Variants in TECTA observed in about 807,000 individuals in gnomAD.
TECTA encodes alpha-tectorin.
Under a neutral mutation model 216.8 loss-of-function variants are expected in TECTA, and 128 were observed. The observed-to-expected ratio is 0.59, with a 90% CI of 0.51 to 0.68. The LOEUF (loss-of-function observed/expected upper bound fraction) is 0.68. TECTA is among the 30% of genes least tolerant of loss of function. The pLI, the probability that TECTA is intolerant of heterozygous loss-of-function variation, is 0.00. For missense variants in TECTA, 2,551 were observed against 2,786.2 expected (o/e 0.92, Z 1.90); for synonymous variants, 1,089 against 1,117.1 (o/e 0.97, Z 0.50).
intron 4 of TECTA, among the ~76,000 whole-genome samples, chr11:121,110,958 C>T (rs1946436530): frequency 6.6e-6 from 1 of 152,104 alleles, no homozygotes. Flanking sequence ...TCCATCCATC[C>T]CCATCTTTGA....
chr11:121,106,700 A>G (rs755134682), intron 3 of TECTA, among the ~76,000 whole-genome samples: 6 of 152,124 alleles, frequency 3.9e-5, no homozygotes, highest in Non-Finnish European at 8.8e-5. Context: ...GAAGAATGCA[A>G]CCCTAAGCAT....
chr11:121,179,975 T>TTG (rs1491516694), intron 20 of TECTA, among the ~76,000 whole-genome samples: 1 of 95,444 alleles, frequency 1.0e-5, no homozygotes, highest in African/African-American at 4.0e-5. Context: ...TGTTTGTTTG[T>TTG]TTTTTTTTTT....
Position 121,125,365 on chromosome 11 carries a change from A to C in TECTA, c.1267A>C (p.Ser423Arg). Residue 423 changes from serine to arginine, a missense_variant, in exon 8 of 24, where the codon AGT becomes CGT. Physicochemically the swap from Ser to Arg is moderately radical, Grantham distance 110 (BLOSUM62 -1). Coordinates refer to ENST00000392793, the MANE Select transcript of TECTA (RefSeq NM_005422.4). ...LDLGTVKIYQSGISTAVETDF... is the reference protein window; with the variant it reads ...LDLGTVKIYQRGISTAVETDF... Reference sequence around the variant, plus strand: ...CTTGGGGACAGTGAAAATCTACCAGAGTGGCATATCTACTGCCGTGGAAAC... The same window carrying C: ...CTTGGGGACAGTGAAAATCTACCAGCGTGGCATATCTACTGCCGTGGAAAC... 6.2e-7 allele frequency: 1 copy of C among 1,614,208 alleles called. No homozygotes were observed. Among genetic ancestry groups the C allele is most frequent in the African/African-American group, 1.3e-5 (1 of 75,058 alleles).
intron 7 of TECTA, among the ~76,000 whole-genome samples, chr11:121,118,993 G>GCACACACACACACACAAACACACA (rs1946529062): frequency 3.6e-5 from 2 of 55,952 alleles, no homozygotes; most frequent in African/African-American, 1.0e-4. Flanking sequence ...ACACTGATAG[G>GCACACACACACACACAAACACACA]CACACACACA....
At position 121,125,526 on chromosome 11, in the gene TECTA, T is replaced by C. The variant is rs1259032153; in HGVS notation, c.1428T>C (p.Asp476=). 15 of 1,614,088 alleles carry C rather than the reference T, an allele frequency of 9.3e-6. No homozygotes were observed. Among genetic ancestry groups the C allele is most frequent in the African/African-American group, 1.3e-5 (1 of 74,940 alleles). Reference sequence around the variant, plus strand: ...CACTGGATGACTTCCTCCGCCCGGATGGCAGGCCGGCCATGTCTGTCCTGG... The same window carrying C: ...CACTGGATGACTTCCTCCGCCCGGACGGCAGGCCGGCCATGTCTGTCCTGG... ...KNPLDDFLRP[D]GRPAMSVLDL... The change falls in exon 8 of 24, where the codon GAT becomes GAC. Residue 476 remains aspartate, a synonymous_variant. Transcript: ENST00000392793.
chr11:121,158,754 G>T (rs564753135), intron 14 of TECTA, among the ~76,000 whole-genome samples: 2 of 152,320 alleles, frequency 1.3e-5, no homozygotes, highest in South Asian at 4.2e-4. Context: ...GAAATGGGAG[G>T]CTGCTCTTGG....
intron 11 of TECTA, among the ~76,000 whole-genome samples, chr11:121,144,543 G>A (rs892269828): frequency 3.3e-5 from 5 of 152,150 alleles, no homozygotes; most frequent in East Asian, 1.9e-4. Context: ...CCTGTGAGCC[G>A]TTGCTGCAGT....
At chr11:121,130,637 G>A (rs1946665094) in intron 10 of TECTA, among the ~76,000 whole-genome samples, 1 of 152,184 alleles carries the variant, frequency 6.6e-6, no homozygotes, top group Admixed American at 6.5e-5. Context: ...GGGCAAACCT[G>A]ACAATGGGTA....
At chr11:121,180,067 A>C (rs919689418) in intron 20 of TECTA, among the ~76,000 whole-genome samples, 2 of 151,620 alleles carry the variant, frequency 1.3e-5, no homozygotes, top group African/African-American at 2.4e-5. Context: ...ATAAGTGAGA[A>C]GTTATTCCTG....
At chr11:121,189,353 T>C (rs550016538) in intron 22 of TECTA, among the ~76,000 whole-genome samples, 186 bp downstream of exon 22, 1 of 150,736 alleles carries the variant, frequency 6.6e-6, no homozygotes, top group Non-Finnish European at 1.5e-5. Flanking sequence ...AGCAATGGCA[T>C]TGAGGTTTTC....
chr11:121,189,179 C>T lies in TECTA; in HGVS notation c.6250+12C>T, dbSNP rs199696601. 2.4e-4 allele frequency: 391 copies of T among 1,611,268 alleles called. No individual in the cohort carries two copies. The highest frequency in any genetic ancestry group is 3.3e-4 in the Admixed American group (20 of 60,018). On this transcript the variant is annotated intron_variant, in intron 22 of 23. Transcript: ENST00000392793. ...TATTAGGAGAAAAAGTATGTATGTTCCCTAAAACACACCCTAAATTATTAA... is the reference window on the plus strand; with the variant it reads ...TATTAGGAGAAAAAGTATGTATGTTTCCTAAAACACACCCTAAATTATTAA...
Position 121,137,422 on chromosome 11 carries a change from A to G in TECTA, c.2943A>G (p.Pro981=), listed in dbSNP as rs753829211. Residue 981 remains proline, a splice_region_variant and synonymous_variant, in exon 11 of 24, where the codon CCA becomes CCG. Transcript: ENST00000392793. ...CGTCTTCTCCTTGACCACCTGCAGC[A>G]CTGGAGTGCCCAGAGAACAGCCACT... The part of the protein sequence containing the change: ...VGPWRTYDFC[P]LECPENSHFE... 1.5e-5 allele frequency: 25 copies of G among 1,613,748 alleles called. No individual in the cohort carries two copies. The South Asian group carries it at 2.4e-4, about 16-fold the overall frequency.
intron 20 of TECTA, among the ~76,000 whole-genome samples, chr11:121,180,813 C>CTTTTTTTTTTTTTTTTTTTTTTCTT (rs34807486): frequency 8.3e-6 from 1 of 119,998 alleles, no homozygotes; most frequent in Non-Finnish European, 1.7e-5. Flanking sequence ...TTTCTTATTC[C>CTTTTTTTTTTTTTTTTTTTTTTCTT]TTTTTTTTTT....
At chr11:121,154,586 C>A (rs1946923473) in intron 13 of TECTA, among the ~76,000 whole-genome samples, 1 of 152,226 alleles carries the variant, frequency 6.6e-6, no homozygotes, top group Non-Finnish European at 1.5e-5. Context: ...CTCAACTGTG[C>A]CATGCACCCT....
chr11:121,162,478 T>C, intron 16 of TECTA, 108 bp downstream of exon 16: 2 of 1,365,354 alleles, frequency 1.5e-6, no homozygotes, highest in Non-Finnish European at 2.0e-6. Context: ...GATTTACTCA[T>C]AGATCTGCTT....
In TECTA at chr11:121,145,882, G is replaced by T. The variant is rs145456927; in HGVS notation, c.3871G>T (p.Val1291Leu). ...CGDRCPSCAK[V>L]EGFSKVQQLC... ...GGACCGCTGTCCGTCCTGTGCCAAG[G>T]TGGAAGGTTTCTCCAAAGTGCAGCA... is the stretch of plus-strand genomic sequence containing the variant. Residue 1291 changes from valine to leucine, a missense_variant, in exon 12 of 24, where the codon GTG (valine) becomes TTG (leucine). Coordinates refer to ENST00000392793, the MANE Select transcript of TECTA (RefSeq NM_005422.4). 1.2e-6 allele frequency: 2 copies of T among 1,614,256 alleles called. No individual in the cohort carries two copies. Among genetic ancestry groups the T allele is most frequent in the Non-Finnish European group, 1.7e-6 (2 of 1,180,050 alleles).
chr11:121,113,585 C>A lies in TECTA; in HGVS notation c.657C>A (p.Phe219Leu). The A allele has an allele frequency of 6.2e-7, 1 of 1,614,014 alleles. No homozygotes were observed. Among genetic ancestry groups the A allele is most frequent in the Non-Finnish European group, 8.5e-7 (1 of 1,180,026 alleles). The change falls in exon 6 of 24, where the codon TTC (phenylalanine) becomes TTA (leucine). Residue 219 changes from phenylalanine (F) to leucine (L), a missense_variant. Transcript: ENST00000392793. This position sits in a 1 kb window ranked among gnomAD's most constrained non-coding sequence, Gnocchi z 4.2. The part of the protein sequence containing the change: ...AGFNGGNLTN[F>L]FSLPGSRTPE... Reference sequence around the variant, plus strand: ...TTAATGGTGGAAACCTCACCAATTTCTTCAGCCTCCCGGGGTCAAGAACCC... The same window carrying A: ...TTAATGGTGGAAACCTCACCAATTTATTCAGCCTCCCGGGGTCAAGAACCC...
chr11:121,145,946 C>T lies in TECTA; in HGVS notation c.3935C>T (p.Ser1312Phe). ...ATCCCCAACCAGAACGCTGCCTTCTCCAAGTGTCACAGCAAAGTTAACCCC... is the reference window on the plus strand; with the variant it reads ...ATCCCCAACCAGAACGCTGCCTTCTTCAAGTGTCACAGCAAAGTTAACCCC... The part of the protein sequence containing the change: ...SLIPNQNAAF[S>F]KCHSKVNPTF... The change falls in exon 12 of 24, where the codon TCC becomes TTC. Residue 1312 changes from serine to phenylalanine, a missense_variant. Ser to Phe is a radical substitution (Grantham distance 155). Transcript: ENST00000392793. The T allele has an allele frequency of 6.2e-7, 1 of 1,614,252 alleles. No individual in the cohort carries two copies. The highest frequency in any genetic ancestry group is 8.5e-7 in the Non-Finnish European group (1 of 1,180,046).
chr11:121,134,237 C>G (rs552197977), intron 10 of TECTA, among the ~76,000 whole-genome samples: 2 of 152,036 alleles, frequency 1.3e-5, no homozygotes, highest in South Asian at 2.1e-4. Context: ...TATTAGAAAC[C>G]AAGATGTAAG....
Sources: gnomAD v4.1 joint callset for allele counts (sites outside exome capture counted in the v4.1 genomes callset) on GRCh38, gnomAD v4.1.1 for gene constraint, Gnocchi (gnomAD v3.1) non-coding constraint, MANE v1.5 for transcripts, NCBI Gene and HGNC (gene_info 2026-07-23, HGNC 2026-07-21) for gene names.